Variants in AGBL1 observed in about 807,000 individuals in gnomAD.
AGBL1 encodes the protein AGBL carboxypeptidase 1.
A neutral mutation model predicts 118.9 loss-of-function variants in AGBL1; 130 were observed. The observed-to-expected ratio is 1.09, with a 90% CI of 0.95 to 1.26. The LOEUF (loss-of-function observed/expected upper bound fraction) is 1.26. Among genes scored for constraint, AGBL1 ranks in the 50% most tolerant of loss-of-function variants. AGBL1 has a pLI of 0.00. For synonymous variants in AGBL1, 555 were observed against 478.9 expected, an observed-to-expected ratio of 1.16 and a Z score of -2.08; for missense variants, 1,584 against 1,298.1, an observed-to-expected ratio of 1.22 and a Z score of -3.38.
At chr15:86,636,276 C>G (rs1375820602) in intron 21 of AGBL1, among the ~76,000 whole-genome samples, 1 of 152,104 alleles carries the variant, frequency 6.6e-6, no homozygotes, top group Non-Finnish European at 1.5e-5. Context: ...ACCTCACCTT[C>G]TTTAGTTTCT....
rs1412907830 is a variant in AGBL1, at chr15:86,144,007, C to A, written c.262+162C>A. Among the ~76,000 whole-genome samples, 3 of 152,136 alleles carry A rather than the reference C, an allele frequency of 2.0e-5. No homozygotes were observed. In the East Asian group the frequency reaches 5.8e-4, roughly 29 times the overall value. ...GCAGGACCAGCCCCATAGGAGAGGC[C>A]ATTTTGTTGACTTTGATGTCAGCTC... On this transcript the variant is annotated intron_variant, in intron 3 of 22. Transcript: ENST00000614907.
At chr15:86,896,886 C>A (rs550614421) in intron 22 of AGBL1, among the ~76,000 whole-genome samples, 92 of 152,248 alleles carry the variant, frequency 6.0e-4, no homozygotes, top group Middle Eastern at 3.4e-3. Flanking sequence ...TTTGTGAGAT[C>A]TTCACTATAT....
chr15:86,193,421 A>AT (rs539217640), intron 5 of AGBL1, among the ~76,000 whole-genome samples: 253 of 152,154 alleles, frequency 1.7e-3, no homozygotes, highest in Non-Finnish European at 3.1e-3. Flanking sequence ...CCATTTATCC[A>AT]TTTTTCTAAA....
chr15:86,409,815 C>T (rs551240064), intron 18 of AGBL1, among the ~76,000 whole-genome samples: 6 of 152,180 alleles, frequency 3.9e-5, no homozygotes, highest in African/African-American at 9.6e-5. Flanking sequence ...TTTCATTGGC[C>T]GGGCAGCTTC....
At chr15:86,695,989 T>C (rs570674616) in intron 22 of AGBL1, among the ~76,000 whole-genome samples, 5 of 152,210 alleles carry the variant, frequency 3.3e-5, no homozygotes, top group Admixed American at 3.3e-4. Flanking sequence ...TTCTTAAATT[T>C]ATTGAGACTT....
At chr15:87,018,662 G>A (rs1270487715) in intron 24 of AGBL1, among the ~76,000 whole-genome samples, 1 of 151,812 alleles carries the variant, frequency 6.6e-6, no homozygotes, top group African/African-American at 2.4e-5. Context: ...TTTTACAAAA[G>A]CACACTGAAG....
chr15:86,430,066 C>A (rs111864426), intron 18 of AGBL1, among the ~76,000 whole-genome samples: 3,376 of 152,220 alleles, frequency 0.022, 47 homozygotes, highest in Middle Eastern at 0.065. Context: ...ATCAAAGCAT[C>A]GTATCAATGT....
At chr15:86,315,822 C>A (rs1249020331) in intron 17 of AGBL1, among the ~76,000 whole-genome samples, 1 of 151,786 alleles carries the variant, frequency 6.6e-6, no homozygotes, top group African/African-American at 2.4e-5. Flanking sequence ...CACGGGAATA[C>A]TATAGCTAGC....
chr15:86,593,207 T>C (rs973482213), intron 21 of AGBL1, among the ~76,000 whole-genome samples: 1 of 152,218 alleles, frequency 6.6e-6, no homozygotes, highest in Admixed American at 6.5e-5. Context: ...AGCACTTTTT[T>C]AGTTCTTGGC....
chr15:86,160,712 A>G (rs2077256083), intron 5 of AGBL1, among the ~76,000 whole-genome samples: 1 of 152,174 alleles, frequency 6.6e-6, no homozygotes, highest in African/African-American at 2.4e-5. Flanking sequence ...GGTCAGGAAT[A>G]TCTGGTTTCT....
chr15:86,478,082 C>T (rs749952613), intron 18 of AGBL1, among the ~76,000 whole-genome samples: 3 of 152,094 alleles, frequency 2.0e-5, no homozygotes, highest in Admixed American at 6.5e-5. Context: ...GGACGTATCT[C>T]AAAATAATAA....
chr15:86,375,052 C>T (rs1389474465), intron 17 of AGBL1, among the ~76,000 whole-genome samples: 3 of 152,228 alleles, frequency 2.0e-5, no homozygotes, highest in African/African-American at 7.2e-5. Context: ...CACACTCCTT[C>T]TCTACTCAGC....
chr15:86,480,071 C>T (rs1469572111), intron 18 of AGBL1, among the ~76,000 whole-genome samples: 1 of 151,824 alleles, frequency 6.6e-6, no homozygotes, highest in African/African-American at 2.4e-5. Context: ...GAACATCACA[C>T]ACTGGGGCCT....
At chr15:86,103,681 G>A (rs1484679455) in intron 1 of AGBL1, among the ~76,000 whole-genome samples, 2 of 152,222 alleles carry the variant, frequency 1.3e-5, no homozygotes, top group East Asian at 1.9e-4. Flanking sequence ...GGAGGCTGTG[G>A]TGAAGTTTTG....
At chr15:86,263,397 G>A (rs1703375905) in intron 10 of AGBL1, among the ~76,000 whole-genome samples, 2 of 152,156 alleles carry the variant, frequency 1.3e-5, no homozygotes, top group South Asian at 4.1e-4. Context: ...ACCCTATGAT[G>A]TTCATACAAC....
chr15:86,502,580 A>G lies in AGBL1; in HGVS notation c.2556-20230A>G, dbSNP rs564410572. ...TAACAGCTGTGGGTTTATCAGGTTG[A>G]AGAAGTTCCCTTCTTAGTTTTTTTT... On this transcript the variant is annotated intron_variant, in intron 18 of 22. Coordinates refer to ENST00000614907, the MANE Select transcript of AGBL1 (RefSeq NM_001386094.1). 3.6e-3 allele frequency among the ~76,000 whole-genome samples: 526 copies of G among 145,720 alleles called. 1 individual carries two copies. The highest frequency in any genetic ancestry group is 6.8e-3 in the Middle Eastern group (2 of 292).
At chr15:86,804,947 G>A (rs773617263) in intron 22 of AGBL1, among the ~76,000 whole-genome samples, 1 of 152,120 alleles carries the variant, frequency 6.6e-6, no homozygotes, top group Non-Finnish European at 1.5e-5. Flanking sequence ...GTTTAGATTA[G>A]CCAATAAGGG....
chr15:86,307,533 G>C (rs973875058), intron 17 of AGBL1, among the ~76,000 whole-genome samples: 3 of 152,010 alleles, frequency 2.0e-5, no homozygotes, highest in Admixed American at 6.5e-5. Context: ...ACAGATGATG[G>C]AAGTAAGACC....
At chr15:86,865,853 C>A (rs1334840574) in intron 22 of AGBL1, among the ~76,000 whole-genome samples, 1 of 152,180 alleles carries the variant, frequency 6.6e-6, no homozygotes, top group Non-Finnish European at 1.5e-5. Context: ...GGATGAGTAG[C>A]TTTAACTCCC....
Sources: allele counts gnomAD v4.1 joint callset (sites outside exome capture counted in the v4.1 genomes callset), GRCh38; gene constraint gnomAD v4.1.1; transcripts MANE v1.5; gene names NCBI Gene and HGNC (gene_info 2026-07-23, HGNC 2026-07-21).